The following PPP4R2 variants were observed in gnomAD, a reference collection of about 807,000 sequenced individuals.
PPP4R2 encodes the protein protein phosphatase 4 regulatory subunit 2, also known as serine/threonine-protein phosphatase 4 regulatory subunit 2.
PPP4R2 carries 13 observed loss-of-function variants against 47.2 expected under a neutral mutation model. The observed-to-expected ratio is 0.28, with a 90% CI of 0.18 to 0.44. The LOEUF is 0.44. Ranked by LOEUF, PPP4R2 falls within the 20% of genes least tolerant of loss-of-function variation. The pLI is 1.00. For synonymous variants in PPP4R2, 151 were observed against 163.3 expected, an observed-to-expected ratio of 0.92 and a Z score of 0.57; for missense variants, 421 against 491.2, an observed-to-expected ratio of 0.86 and a Z score of 1.35.
At chr3:73,026,065 A>G (rs755360196) in intron 2 of PPP4R2, among the ~76,000 whole-genome samples, 1 of 152,150 alleles carries the variant, frequency 6.6e-6, no homozygotes, top group Non-Finnish European at 1.5e-5. Flanking sequence ...TGCTATTAGT[A>G]GTAGTCATGC....
At chr3:73,040,966 T>C (rs753905167) in intron 2 of PPP4R2, among the ~76,000 whole-genome samples, 7 of 152,196 alleles carry the variant, frequency 4.6e-5, no homozygotes, top group Middle Eastern at 3.2e-3. Context: ...ATTTGAAAAA[T>C]ATATTAAAAT....
At chr3:73,063,026 C>G (rs1559570506) in intron 5 of PPP4R2, 1 of 926,246 alleles carries the variant, frequency 1.1e-6, no homozygotes, top group African/African-American at 1.7e-5. Flanking sequence ...AGAAAAAAAA[C>G]AATGGTTAAA....
At chr3:73,026,616 G>T (rs1174052097) in intron 2 of PPP4R2, among the ~76,000 whole-genome samples, 1 of 152,022 alleles carries the variant, frequency 6.6e-6, no homozygotes, top group Non-Finnish European at 1.5e-5. Flanking sequence ...TATACAGCCC[G>T]CAGGCTGCAT....
Position 72,998,049 on chromosome 3 carries a change from T to TAA in PPP4R2, c.35-27_35-26dup, listed in dbSNP as rs572723889. 112 of 1,524,632 alleles carry TAA rather than the reference T, an allele frequency of 7.3e-5. No individual in the cohort carries two copies. In the African/African-American group the frequency reaches 1.2e-3, roughly 16 times the overall value. 94.4% of individuals were successfully genotyped at this position (1,524,632 alleles called of 1,614,324 possible). On this transcript the variant is annotated intron_variant, in intron 1 of 8. Coordinates refer to ENST00000356692, the MANE Select transcript of PPP4R2 (RefSeq NM_174907.4). ...TTTAGAGCGCTTTTGAGAAAACTGA[T>TAA]AACGTTTTTTTTTCTTCCTTCATCT... is the stretch of plus-strand genomic sequence containing the variant.
chr3:73,067,386 A>G lies in PPP4R2; in HGVS notation c.*1664A>G, dbSNP rs1703020580. On this transcript the variant is annotated 3_prime_UTR_variant, in exon 9 of 9. Coordinates refer to ENST00000356692, the MANE Select transcript of PPP4R2 (RefSeq NM_174907.4). Reference sequence around the variant, plus strand: ...TTAAATCATCATGGCTATAAATACCAAAACGATTTGGATCCATTTATGTTT... The same window carrying G: ...TTAAATCATCATGGCTATAAATACCGAAACGATTTGGATCCATTTATGTTT... 2 of 152,124 alleles carry G rather than the reference A, an allele frequency of 1.3e-5. No individual in the cohort carries two copies. Among genetic ancestry groups the G allele is most frequent in the Non-Finnish European group, 2.9e-5 (2 of 67,968 alleles). 9.4% of individuals were successfully genotyped at this position (152,124 alleles called of 1,614,324 possible).
intron 2 of PPP4R2, among the ~76,000 whole-genome samples, chr3:73,040,657 C>G (rs915434549): frequency 3.3e-5 from 5 of 151,882 alleles, no homozygotes; most frequent in African/African-American, 9.7e-5. Context: ...GAATTATAGG[C>G]GCTCACCACC....
chr3:73,020,876 C>T (rs900344779), intron 2 of PPP4R2, among the ~76,000 whole-genome samples: 3 of 151,914 alleles, frequency 2.0e-5, no homozygotes, highest in African/African-American at 7.2e-5. Flanking sequence ...AGTATAAGTT[C>T]TCAGGTGTCT....
intron 2 of PPP4R2, among the ~76,000 whole-genome samples, chr3:73,032,024 A>G (rs968881371): frequency 2.6e-5 from 4 of 152,188 alleles, no homozygotes; most frequent in African/African-American, 7.2e-5. Flanking sequence ...AGGCCCTACA[A>G]ATGAGAAAGT....
At chr3:73,054,188 G>A (rs1702680654) in intron 3 of PPP4R2, among the ~76,000 whole-genome samples, 1 of 152,198 alleles carries the variant, frequency 6.6e-6, no homozygotes, top group Non-Finnish European at 1.5e-5. Context: ...AAAATGCTGG[G>A]ATTACAGGCG....
chr3:73,050,196 C>A (rs760335451), intron 3 of PPP4R2, among the ~76,000 whole-genome samples: 1 of 152,090 alleles, frequency 6.6e-6, no homozygotes, highest in African/African-American at 2.4e-5. Context: ...AACTCCTGAC[C>A]TCAAGTAATC....
At chr3:73,034,533 T>A (rs1357191789) in intron 2 of PPP4R2, among the ~76,000 whole-genome samples, 1 of 152,172 alleles carries the variant, frequency 6.6e-6, no homozygotes, top group Non-Finnish European at 1.5e-5. Flanking sequence ...TGCAGCAAGC[T>A]ATAGTTTTGT....
intron 2 of PPP4R2, among the ~76,000 whole-genome samples, chr3:73,037,722 A>G (rs549183065): frequency 6.6e-6 from 1 of 152,128 alleles, no homozygotes; most frequent in Non-Finnish European, 1.5e-5. Flanking sequence ...TTTTTCTGTA[A>G]GGTTCAGCTT....
At chr3:73,015,220 C>T (rs913699577) in intron 2 of PPP4R2, among the ~76,000 whole-genome samples, 3 of 152,192 alleles carry the variant, frequency 2.0e-5, no homozygotes, top group Non-Finnish European at 4.4e-5. Context: ...CTCTCTGTTG[C>T]CCAGGGTGGA....
At chr3:73,001,731 T>G (rs529945511) in intron 2 of PPP4R2, among the ~76,000 whole-genome samples, 12 of 152,254 alleles carry the variant, frequency 7.9e-5, no homozygotes, top group African/African-American at 2.2e-4. Context: ...CCCCACCTCC[T>G]GAGTTCAAGC....
At position 73,012,005 on chromosome 3, in the gene PPP4R2, G is replaced by C. The variant is rs879389627; in HGVS notation, c.116+13847G>C. 8.5e-5 allele frequency among the ~76,000 whole-genome samples: 13 copies of C among 152,240 alleles called. No homozygotes were observed. The South Asian group carries it at 1.0e-3, about 12-fold the overall frequency. ...ACTATTGTGTATATCTGGGAGGAAG[G>C]GGGAGAGTGAGGTAGCTTTCTATCA... On this transcript the variant is annotated intron_variant, in intron 2 of 8. Coordinates refer to ENST00000356692, the MANE Select transcript of PPP4R2 (RefSeq NM_174907.4).
intron 2 of PPP4R2, among the ~76,000 whole-genome samples, chr3:73,011,491 A>G (rs1701723854): frequency 6.6e-6 from 1 of 152,082 alleles, no homozygotes; most frequent in East Asian, 1.9e-4. Context: ...AGAAAAAAAA[A>G]AATTTGGAGC....
intron 3 of PPP4R2, 65 bp downstream of exon 3, chr3:73,047,421 G>A (rs2107310733): frequency 9.3e-7 from 1 of 1,075,866 alleles, no homozygotes; most frequent in Non-Finnish European, 1.3e-6. Flanking sequence ...TTTTCTTTTA[G>A]TTTTGATGTG....
intron 2 of PPP4R2, among the ~76,000 whole-genome samples, chr3:72,999,832 T>C (rs1034779112): frequency 6.6e-5 from 10 of 152,360 alleles, no homozygotes; most frequent in African/African-American, 2.4e-4. Flanking sequence ...TAGATTCTTA[T>C]ATTCAATGGA....
chr3:73,061,964 A>T, intron 5 of PPP4R2: 1 of 667,124 alleles, frequency 1.5e-6, no homozygotes, highest in Non-Finnish European at 2.5e-6. Flanking sequence ...AAACTATTAA[A>T]ATGTATACAT....
Sources: gnomAD v4.1 joint callset for allele counts (sites outside exome capture counted in the v4.1 genomes callset) on GRCh38, gnomAD v4.1.1 for gene constraint, MANE v1.5 for transcripts, NCBI Gene and HGNC (gene_info 2026-07-23, HGNC 2026-07-21) for gene names.